GPC6: variants seen among roughly 807,000 people sequenced by gnomAD.
GPC6 encodes glypican 6.
GPC6 carries 14 observed loss-of-function variants against 55.2 expected under a neutral mutation model. That is an observed-to-expected ratio of 0.25 (90% CI 0.17 to 0.40). The LOEUF is 0.40. Ranked by LOEUF, GPC6 falls within the 10% of genes least tolerant of loss-of-function variation. GPC6 has a pLI of 1.00. For missense variants in GPC6, 641 were observed against 708.5 expected, an observed-to-expected ratio of 0.90 and a Z score of 1.08; for synonymous variants, 278 against 259.6, an observed-to-expected ratio of 1.07 and a Z score of -0.68.
intron 3 of GPC6, among the ~76,000 whole-genome samples, chr13:93,884,294 C>T (rs1025346410): frequency 4.6e-5 from 7 of 152,044 alleles, no homozygotes; most frequent in Non-Finnish European, 1.0e-4. Flanking sequence ...TAGCTTATCT[C>T]TTCATATGCC....
At chr13:93,307,439 C>G (rs1390867839) in intron 1 of GPC6, among the ~76,000 whole-genome samples, 1 of 152,054 alleles carries the variant, frequency 6.6e-6, no homozygotes, top group Non-Finnish European at 1.5e-5. Flanking sequence ...ATAGGAAGTT[C>G]AAGCAATGGT....
chr13:93,881,802 T>C (rs565380273), intron 3 of GPC6, among the ~76,000 whole-genome samples: 1 of 152,240 alleles, frequency 6.6e-6, no homozygotes, highest in Non-Finnish European at 1.5e-5. Context: ...CTCAATGCCT[T>C]GCTTATTTGT....
chr13:94,067,577 T>TGA (rs1566360462), intron 4 of GPC6, among the ~76,000 whole-genome samples: 62 of 130,386 alleles, frequency 4.8e-4, no homozygotes, highest in South Asian at 4.0e-3. Flanking sequence ...GATAGATAGA[T>TGA]TATAGATAGA....
chr13:94,139,031 A>G (rs1413086263), intron 4 of GPC6, among the ~76,000 whole-genome samples: 2 of 152,066 alleles, frequency 1.3e-5, no homozygotes, highest in Non-Finnish European at 1.5e-5. Context: ...GACAGTTTCC[A>G]GGAGATGACA....
At chr13:93,320,486 G>A (rs974570285) in intron 1 of GPC6, among the ~76,000 whole-genome samples, 2 of 151,870 alleles carry the variant, frequency 1.3e-5, no homozygotes, top group African/African-American at 4.8e-5. Context: ...GAGAGGAAAC[G>A]AATTATCTTG....
intron 3 of GPC6, among the ~76,000 whole-genome samples, chr13:93,833,758 T>G (rs1243032781): frequency 6.6e-6 from 1 of 152,092 alleles, no homozygotes; most frequent in Non-Finnish European, 1.5e-5. Context: ...ACCAGAAAAA[T>G]GGAGGTCTAA....
At chr13:94,206,193 C>T (rs1271925485) in intron 4 of GPC6, among the ~76,000 whole-genome samples, 5 of 152,096 alleles carry the variant, frequency 3.3e-5, no homozygotes, top group South Asian at 2.1e-4. Context: ...TAGAAAAGCT[C>T]GATCAGGAAA....
At position 93,943,178 on chromosome 13, in the gene GPC6, T is replaced by G. The variant is rs563679502; in HGVS notation, c.712-84551T>G. ...ACTGTTGCATGAATGAATTATACAT[T>G]ATATCTCAATTGCTCTTCAATTCTA... On this transcript the variant is annotated intron_variant, in intron 3 of 8. Transcript: ENST00000377047. Among the ~76,000 whole-genome samples the G allele has an allele frequency of 3.3e-5, 5 of 152,302 alleles. No individual in the cohort carries two copies. The East Asian group carries it at 9.7e-4, about 29-fold the overall frequency.
At chr13:93,619,847 A>AT (rs934868539) in intron 2 of GPC6, among the ~76,000 whole-genome samples, 73 of 151,756 alleles carry the variant, frequency 4.8e-4, no homozygotes, top group Non-Finnish European at 9.1e-4. Flanking sequence ...TGTACTTCCT[A>AT]TTTTTTTTGT....
chr13:93,412,061 A>C (rs1876521487), intron 1 of GPC6, among the ~76,000 whole-genome samples: 1 of 152,076 alleles, frequency 6.6e-6, no homozygotes, highest in African/African-American at 2.4e-5. Context: ...CCATTATTCA[A>C]ACATGACCCT....
chr13:93,370,999 A>G (rs1463610452), intron 1 of GPC6, among the ~76,000 whole-genome samples: 1 of 152,140 alleles, frequency 6.6e-6, no homozygotes, highest in Non-Finnish European at 1.5e-5. Context: ...GTGGAAATAA[A>G]CAAGTTAGGA....
At chr13:93,716,852 G>T (rs1883268621) in intron 2 of GPC6, among the ~76,000 whole-genome samples, 1 of 151,566 alleles carries the variant, frequency 6.6e-6, no homozygotes, top group Non-Finnish European at 1.5e-5. Flanking sequence ...GGTAAGTGCT[G>T]TATAGAGGTA....
At chr13:94,365,599 T>A (rs1879253761) in intron 6 of GPC6, among the ~76,000 whole-genome samples, 1 of 152,212 alleles carries the variant, frequency 6.6e-6, no homozygotes, top group South Asian at 2.1e-4. Context: ...GCAATCCGTC[T>A]CTACCCTAAA....
chr13:94,218,393 G>T (rs749782374), intron 4 of GPC6, among the ~76,000 whole-genome samples: 5 of 152,132 alleles, frequency 3.3e-5, no homozygotes, highest in Non-Finnish European at 5.9e-5. Context: ...GCTTGAGGCT[G>T]AATCTTTCAT....
chr13:94,126,967 T>C (rs1009382264), intron 4 of GPC6, among the ~76,000 whole-genome samples: 7 of 152,166 alleles, frequency 4.6e-5, no homozygotes, highest in Non-Finnish European at 8.8e-5. Context: ...TAATATTTTA[T>C]TCACTTTTGA....
At chr13:94,119,922 C>T (rs550764589) in intron 4 of GPC6, among the ~76,000 whole-genome samples, 37 of 151,904 alleles carry the variant, frequency 2.4e-4, no homozygotes, top group Non-Finnish European at 4.3e-4. Flanking sequence ...GGAAGTGCAG[C>T]GGTACCAACG....
chr13:93,527,076 ATTAT>A (rs1566405321), intron 1 of GPC6, among the ~76,000 whole-genome samples: 2 of 151,994 alleles, frequency 1.3e-5, no homozygotes, highest in African/African-American at 4.8e-5. Context: ...CTGTAAAGGA[ATTAT>A]TTAGAGTTTT....
At chr13:93,285,599 T>A (rs180841756) in intron 1 of GPC6, among the ~76,000 whole-genome samples, 1 of 150,808 alleles carries the variant, frequency 6.6e-6, no homozygotes, top group African/African-American at 2.4e-5. Context: ...CTGGGATGTA[T>A]GTGTATGTAT....
intron 4 of GPC6, among the ~76,000 whole-genome samples, chr13:94,201,328 G>A (rs1889741015): frequency 6.6e-6 from 1 of 152,130 alleles, no homozygotes; most frequent in Admixed American, 6.5e-5. Flanking sequence ...GGAGGAGACA[G>A]AGCCAGCGCT....
Sources: gnomAD v4.1 joint callset for allele counts (sites outside exome capture counted in the v4.1 genomes callset) on GRCh38, gnomAD v4.1.1 for gene constraint, MANE v1.5 for transcripts, NCBI Gene and HGNC (gene_info 2026-07-23, HGNC 2026-07-21) for gene names.